DHX9: variants seen among roughly 807,000 people sequenced by gnomAD.
DHX9 encodes DExH-box helicase 9, also known as ATP-dependent RNA helicase A.
DHX9 carries 27 observed loss-of-function variants against 148.7 expected under a neutral mutation model. The ratio of observed to expected loss-of-function variants is 0.18; its 90% CI spans 0.13 to 0.25. The LOEUF is 0.25. Ranked by LOEUF, DHX9 falls within the 10% of genes least tolerant of loss-of-function variation. The pLI is 1.00. For missense variants in DHX9, 796 were observed against 1,559.6 expected (o/e 0.51, Z 8.25); for synonymous variants, 529 against 516.6 (o/e 1.02, Z -0.33).
In DHX9 at chr1:182,852,185, C is replaced by T. The variant is rs565186031; in HGVS notation, c.253-48C>T. On this transcript the variant is annotated intron_variant, in intron 3 of 27. Coordinates refer to ENST00000367549, the MANE Select transcript of DHX9 (RefSeq NM_001357.5). Reference sequence around the variant, plus strand: ...AAGTATTAAAAGAATTTACTAGTCCCCGTGAAGGCAAAAGCACTGACAGCT... The same window carrying T: ...AAGTATTAAAAGAATTTACTAGTCCTCGTGAAGGCAAAAGCACTGACAGCT... The T allele has an allele frequency of 5.5e-6, 7 of 1,267,600 alleles. No individual in the cohort carries two copies. The African/African-American group carries it at 7.5e-5, about 14-fold the overall frequency. The allele number at this position is 1,267,600 out of a possible 1,614,324, so 78.5% of individuals were successfully genotyped here.
intron 15 of DHX9, among the ~76,000 whole-genome samples, chr1:182,874,543 T>C (rs528678605): frequency 2.6e-5 from 4 of 152,198 alleles, no homozygotes; most frequent in South Asian, 4.1e-4. Flanking sequence ...GTTACTTCTT[T>C]CCATGTATAA....
chr1:182,885,663 T>C (rs1649286379), intron 27 of DHX9, among the ~76,000 whole-genome samples: 1 of 152,204 alleles, frequency 6.6e-6, no homozygotes, highest in Non-Finnish European at 1.5e-5. Flanking sequence ...TAGATTGTTA[T>C]CCTCATCCTC....
intron 3 of DHX9, among the ~76,000 whole-genome samples, chr1:182,844,286 C>A (rs571633244): frequency 6.6e-6 from 1 of 152,300 alleles, no homozygotes; most frequent in South Asian, 2.1e-4. Context: ...GTATTTTATG[C>A]AATGGAGTAT....
At chr1:182,853,235 A>G (rs1668188956) in intron 4 of DHX9, 71 bp from the exon 5 acceptor site, 1 of 1,106,700 alleles carries the variant, frequency 9.0e-7, no homozygotes. Context: ...ATAAATTAGG[A>G]TAATTCTTTA....
intron 14 of DHX9, 119 bp from the exon 15 acceptor site, chr1:182,872,218 T>C (rs1648579503): frequency 6.3e-6 from 5 of 789,332 alleles, no homozygotes; most frequent in East Asian, 5.1e-5. Flanking sequence ...TTGGCACTTC[T>C]GTGAGTCATC....
chr1:182,846,346 C>T (rs1668029797), intron 3 of DHX9, among the ~76,000 whole-genome samples: 1 of 151,890 alleles, frequency 6.6e-6, no homozygotes, highest in African/African-American at 2.4e-5. Context: ...AAGCGATTCT[C>T]CTGCCTCAGG....
At chr1:182,853,915 C>G (rs537667175) in intron 5 of DHX9, 115 bp from the exon 6 acceptor site, 1 of 951,470 alleles carries the variant, frequency 1.1e-6, no homozygotes, top group African/African-American at 1.6e-5. Context: ...TATAAACTAT[C>G]AAAAACAGCT....
intron 12 of DHX9, among the ~76,000 whole-genome samples, chr1:182,864,471 A>G (rs1648195627): frequency 6.6e-6 from 1 of 152,222 alleles, no homozygotes; most frequent in Non-Finnish European, 1.5e-5. Context: ...TCCTAGACAT[A>G]GAATTGTTGG....
intron 15 of DHX9, among the ~76,000 whole-genome samples, 173 bp downstream of exon 15, chr1:182,872,666 G>A (rs564178440): frequency 1.8e-4 from 27 of 152,290 alleles, no homozygotes; most frequent in Middle Eastern, 3.4e-3. Context: ...TTATACAGTA[G>A]TGAGTACAGT....
chr1:182,874,366 G>A (rs1229731890), intron 15 of DHX9, among the ~76,000 whole-genome samples: 1 of 152,168 alleles, frequency 6.6e-6, no homozygotes, highest in African/African-American at 2.4e-5. Context: ...TGGATATAGA[G>A]GGTGTTTTGA....
chr1:182,887,642 A>T lies in DHX9; in HGVS notation c.*208A>T, dbSNP rs114293077. ...TGTAAAATATAACGATCTCTTAAAA[A>T]TACCACAGTTTGTATTTTTTCTTTA... On this transcript the variant is annotated 3_prime_UTR_variant, in exon 28 of 28. Transcript: ENST00000367549. 2,943 of 506,860 alleles carry T rather than the reference A, an allele frequency of 5.8e-3. 40 individuals carry two copies. The highest frequency in any genetic ancestry group is 0.038 in the African/African-American group (2,018 of 52,914). 31.4% of individuals were successfully genotyped at this position (506,860 alleles called of 1,614,324 possible). A position where few individuals can be genotyped will look rare whatever the true frequency, so the allele number is the denominator to read the frequency against.
At chr1:182,884,949 G>T (rs1045631604) in intron 27 of DHX9, 136 bp downstream of exon 27, 2 of 757,252 alleles carry the variant, frequency 2.6e-6, no homozygotes, top group East Asian at 2.7e-5. Flanking sequence ...TATAGATAGA[G>T]AGTTTGATGT....
rs781739078 is a variant in DHX9, at chr1:182,883,223, A to T, written c.2999A>T (p.Tyr1000Phe). The T allele has an allele frequency of 1.2e-6, 2 of 1,614,110 alleles. No individual in the cohort carries two copies. The stretch of plus-strand genomic sequence containing the variant: ...ATCTCCCTCCTGGCCTTTGGTGTGT[A>T]CCCCAATGTATGCTATCATAAGGAA... ...VVISLLAFGV[Y>F]PNVCYHKEKR... Residue 1000 changes from tyrosine (Y) to phenylalanine (F), a missense_variant, in exon 25 of 28, where the codon TAC (tyrosine) becomes TTC (phenylalanine). This residue lies in a region of DHX9 where 122 missense variants were observed against 289.3 expected (regional missense o/e 0.42). Transcript: ENST00000367549.
At chr1:182,848,505 T>C (rs1228937297) in intron 3 of DHX9, among the ~76,000 whole-genome samples, 1 of 152,240 alleles carries the variant, frequency 6.6e-6, no homozygotes, top group African/African-American at 2.4e-5. Flanking sequence ...AGGGATTTTT[T>C]TGTTTTTAGT....
rs143901003 is a variant in DHX9 at position 182,853,914 on chromosome 1, T to G, written c.478-116T>G. ...AGTTTTTGACTAGGATTATAAACTATCAAAAACAGCTTTTGCATTATAAAG... is the reference window on the plus strand; with the variant it reads ...AGTTTTTGACTAGGATTATAAACTAGCAAAAACAGCTTTTGCATTATAAAG... On this transcript the variant is annotated intron_variant, in intron 5 of 27. Transcript: ENST00000367549. 714 of 945,642 alleles carry G rather than the reference T, an allele frequency of 7.6e-4. 1 individual carries two copies. Among genetic ancestry groups the G allele is most frequent in the Non-Finnish European group, 8.4e-4 (537 of 638,904 alleles). 58.6% of individuals were successfully genotyped at this position (945,642 alleles called of 1,614,324 possible). A position where few individuals can be genotyped will look rare whatever the true frequency, so the allele number is the denominator to read the frequency against.
chr1:182,842,547 C>G lies in DHX9; in HGVS notation c.-20C>G. 1 of 1,581,434 alleles carries G rather than the reference C, an allele frequency of 6.3e-7. No homozygotes were observed. The highest frequency in any genetic ancestry group is 1.1e-5 in the South Asian group (1 of 87,842). ...TTAACTGACTTTTGTTTTCTTAGAT[C>G]TGAAGAAGACACTTGAATCATGGGT... On this transcript the variant is annotated splice_region_variant and 5_prime_UTR_variant, in exon 2 of 28. In the 5' UTR this introduces an upstream ATG that the reference lacks. Coordinates refer to ENST00000367549, the MANE Select transcript of DHX9 (RefSeq NM_001357.5).
intron 22 of DHX9, 42 bp downstream of exon 22, chr1:182,880,650 A>G (rs1436655076): frequency 1.5e-6 from 2 of 1,314,886 alleles, no homozygotes; most frequent in Non-Finnish European, 2.2e-6. Flanking sequence ...GTGGCAGAAT[A>G]ATTTCAGAAT....
intron 12 of DHX9, among the ~76,000 whole-genome samples, chr1:182,865,649 C>T (rs1178766786): frequency 6.6e-6 from 1 of 152,152 alleles, no homozygotes; most frequent in Non-Finnish European, 1.5e-5. Context: ...TGATAGTATA[C>T]ACAAGCAAGG....
At position 182,879,230 on chromosome 1, in the gene DHX9, T is replaced by C. The variant is rs1336487457; in HGVS notation, c.2352-20T>C. On this transcript the variant is annotated intron_variant, in intron 20 of 27. Transcript: ENST00000367549. ...TGTATACACAAGGAGGATGGTTATT[T>C]TATGCTTATTTTCTCTTAGACTTGA... The C allele has an allele frequency of 4.1e-6, 6 of 1,451,316 alleles. No homozygotes were observed. The highest frequency in any genetic ancestry group is 5.5e-6 in the Non-Finnish European group (6 of 1,082,916). 89.9% of individuals were successfully genotyped at this position (1,451,316 alleles called of 1,614,324 possible).
Sources: gnomAD v4.1 joint callset for allele counts (sites outside exome capture counted in the v4.1 genomes callset) on GRCh38, gnomAD v4.1.1 for gene constraint, gnomAD v4.1.1 regional missense constraint, MANE v1.5 for transcripts, NCBI Gene and HGNC (gene_info 2026-07-23, HGNC 2026-07-21) for gene names.